Variants in KLC3 observed in about 807,000 individuals in gnomAD.
The protein encoded by KLC3 is kinesin light chain 3.
A neutral mutation model predicts 62.9 loss-of-function variants in KLC3; 72 were observed. That is an observed-to-expected ratio of 1.15 (90% CI 0.95 to 1.39). The LOEUF (loss-of-function observed/expected upper bound fraction) is 1.39, where lower values mean the gene tolerates loss of function less well. Ranked by LOEUF, KLC3 falls within the 40% of genes most tolerant of loss-of-function variation. The pLI is 0.00. For synonymous variants in KLC3, 377 were observed against 300.5 expected, an observed-to-expected ratio of 1.25 and a Z score of -2.63; for missense variants, 848 against 691.6, an observed-to-expected ratio of 1.23 and a Z score of -2.54.
chr19:45,349,684 G>T, intron 8 of KLC3, 82 bp downstream of exon 8: 1 of 1,223,684 alleles, frequency 8.2e-7, no homozygotes, highest in Non-Finnish European at 1.1e-6. Context: ...TACAGGGTGA[G>T]CAACGTGAGG....
At chr19:45,350,259 C>CAAA (rs61513187) in intron 8 of KLC3, 82 bp from the exon 9 acceptor site, 140 of 874,456 alleles carry the variant, frequency 1.6e-4, no homozygotes, top group East Asian at 1.2e-3. Flanking sequence ...CCTGTCTCTA[C>CAAA]AAAAAAAAAA....
At position 45,351,417 on chromosome 19, in the gene KLC3, TGGGGTGA is replaced by T. The variant is rs112394290; in HGVS notation, c.*62_*68del. 46 of 1,596,400 alleles carry T rather than the reference TGGGGTGA, an allele frequency of 2.9e-5. No individual in the cohort carries two copies. The highest frequency in any genetic ancestry group is 3.7e-5 in the Non-Finnish European group (43 of 1,174,702). On this transcript the variant is annotated 3_prime_UTR_variant, in exon 13 of 13. Coordinates refer to ENST00000391946, the MANE Select transcript of KLC3 (RefSeq NM_177417.3). ...GAACAGTGCAGGAGGGATGGGCTGG[TGGGGTGA>T]GAGGGGGTCTATCATCTCCTGGCCC...
chr19:45,349,406 G>A (rs774867602), intron 7 of KLC3, 23 bp from the exon 8 acceptor site: 110 of 1,586,740 alleles, frequency 6.9e-5, no homozygotes, highest in South Asian at 4.9e-4. Flanking sequence ...TGATCCCTCT[G>A]ACTTGTGACC....
chr19:45,342,576 G>T (rs1305042380), intron 1 of KLC3, among the ~76,000 whole-genome samples: 1 of 152,132 alleles, frequency 6.6e-6, no homozygotes, highest in African/African-American at 2.4e-5. Flanking sequence ...GACCAGCCCG[G>T]CCAACATGGT....
intron 5 of KLC3, 109 bp from the exon 6 acceptor site, chr19:45,348,537 G>A: frequency 9.4e-7 from 1 of 1,061,042 alleles, no homozygotes; most frequent in East Asian, 2.6e-5. Context: ...TGCCACCCAT[G>A]CTTGGTTCAG....
At chr19:45,341,583 G>GCGCGCGCA (rs1971396655) in intron 1 of KLC3, among the ~76,000 whole-genome samples, 19 of 150,018 alleles carry the variant, frequency 1.3e-4, no homozygotes, top group African/African-American at 4.7e-4. Flanking sequence ...GTGTGTGCGC[G>GCGCGCGCA]CGCGCGTGTG....
At chr19:45,350,305 G>C in intron 8 of KLC3, 36 bp from the exon 9 acceptor site, 1 of 1,549,810 alleles carries the variant, frequency 6.5e-7, no homozygotes, top group Non-Finnish European at 8.9e-7. Context: ...TGGGAACTGG[G>C]GTCCGAAAAG....
In KLC3 at chr19:45,345,551, C is replaced by T; in HGVS notation, c.10C>T (p.Gln4Ter). The T allele has an allele frequency of 6.4e-7, 1 of 1,565,106 alleles. No individual in the cohort carries two copies. The highest frequency in any genetic ancestry group is 8.7e-7 in the Non-Finnish European group (1 of 1,155,498). ...CTCCCCAGGAGCAGCAATGTCTGTG[C>T]AGGTAGCGGCTCCTGGAAGTGCAGG... The part of the protein sequence containing the change: MSV[Q>*]VAAPGSAGLG... The change falls in exon 2 of 13, where the codon CAG (glutamine) becomes TAG (stop). Residue 4 changes from glutamine to a stop codon, truncating the protein, a stop_gained. Coordinates refer to ENST00000391946, the MANE Select transcript of KLC3 (RefSeq NM_177417.3). LOFTEE classifies it high-confidence loss of function.
chr19:45,341,578 T>TGTGTGTGTGTGTGTGTGCGC, intron 1 of KLC3, among the ~76,000 whole-genome samples: 200 of 139,868 alleles, frequency 1.4e-3, no homozygotes, highest in African/African-American at 5.1e-3. Context: ...TGTGTGTGTG[T>TGTGTGTGTGTGTGTGTGCGC]GCGCGCGCGC....
At chr19:45,348,291 T>G in intron 5 of KLC3, 131 bp downstream of exon 5, 2 of 853,126 alleles carry the variant, frequency 2.3e-6, no homozygotes, top group Non-Finnish European at 3.6e-6. Flanking sequence ...ACAGCAAGAA[T>G]GGGAAAGGAA....
Position 45,346,545 on chromosome 19 carries a change from T to C in KLC3, c.260T>C (p.Val87Ala), listed in dbSNP as rs1971494704. The change falls in exon 3 of 13, where the codon GTG becomes GCG. Residue 87 changes from valine (V) to alanine (A), a missense_variant and splice_region_variant. By Grantham distance (64) the Val-to-Ala change is moderately conservative. Coordinates refer to ENST00000391946, the MANE Select transcript of KLC3 (RefSeq NM_177417.3). ...AIELGLGEAQ[V>A]LLALSAHVGA... ...ACTTGGGACCCCCACCCCGGGCAGGTGCTGCTGGCCCTGTCGGCACATGTG... is the reference window on the plus strand; with the variant it reads ...ACTTGGGACCCCCACCCCGGGCAGGCGCTGCTGGCCCTGTCGGCACATGTG... 2.0e-6 allele frequency: 3 copies of C among 1,527,978 alleles called. No individual in the cohort carries two copies. Among genetic ancestry groups the C allele is most frequent in the Non-Finnish European group, 2.6e-6 (3 of 1,133,840 alleles). The allele number at this position is 1,527,978 out of a possible 1,614,324, so 94.7% of individuals were successfully genotyped here.
chr19:45,342,725 C>G (rs1971417989), intron 1 of KLC3, among the ~76,000 whole-genome samples: 1 of 151,984 alleles, frequency 6.6e-6, no homozygotes, highest in Non-Finnish European at 1.5e-5. Flanking sequence ...CAACATCATG[C>G]CATTGCACTC....
chr19:45,351,213 A>ACCTGGAGCT, intron 12 of KLC3, 73 bp from the exon 13 acceptor site: 1 of 1,589,814 alleles, frequency 6.3e-7, no homozygotes, highest in Non-Finnish European at 8.6e-7. Flanking sequence ...GCCAGGCTGG[A>ACCTGGAGCT]CCTGGAGCTG....
chr19:45,347,711 G>A (rs903572912), intron 4 of KLC3, among the ~76,000 whole-genome samples, 195 bp downstream of exon 4: 9 of 152,140 alleles, frequency 5.9e-5, no homozygotes, highest in African/African-American at 1.2e-4. Context: ...GGCAGGCCCC[G>A]TATTCACATC....
At position 45,348,636 on chromosome 19, in the gene KLC3, C is replaced by T. The variant is rs761902194; in HGVS notation, c.780-10C>T. The T allele has an allele frequency of 3.2e-6, 5 of 1,565,006 alleles. No individual in the cohort carries two copies. The highest frequency in any genetic ancestry group is 1.4e-5 in the African/African-American group (1 of 73,484). On this transcript the variant is annotated splice_polypyrimidine_tract_variant and intron_variant, in intron 5 of 12. Coordinates refer to ENST00000391946, the MANE Select transcript of KLC3 (RefSeq NM_177417.3). Reference sequence around the variant, plus strand: ...GCTAACCCCCTCCATTCCTGGGGCGCCCCCCACAGGGACCAGAACAAGTAC... The same window carrying T: ...GCTAACCCCCTCCATTCCTGGGGCGTCCCCCACAGGGACCAGAACAAGTAC...
chr19:45,344,577 G>A (rs539303766), intron 1 of KLC3, among the ~76,000 whole-genome samples: 5 of 152,240 alleles, frequency 3.3e-5, no homozygotes, highest in South Asian at 4.1e-4. Flanking sequence ...ATTTCGGAGA[G>A]GAAAATGTGT....
rs1322317495 is a variant in KLC3, at chr19:45,341,798, T to TA, written c.-9+952_-9+953insA. 4.1e-3 allele frequency among the ~76,000 whole-genome samples: 579 copies of TA among 140,522 alleles called. 3 individuals carry two copies. Among genetic ancestry groups the TA allele is most frequent in the African/African-American group, 0.017 (530 of 31,250 alleles). 92.2% of individuals were successfully genotyped at this position (140,522 alleles called of 152,430 possible). Reference sequence around the variant, plus strand: ...GTGCGTGTGTGTGTGTGTGTGTGTGTGTGTAGAGAGGAACTAGAGGGTGTG... The same window carrying TA: ...GTGCGTGTGTGTGTGTGTGTGTGTGTAGTGTAGAGAGGAACTAGAGGGTGTG... On this transcript the variant is annotated intron_variant, in intron 1 of 12. Transcript: ENST00000391946.
chr19:45,346,912 A>G, intron 3 of KLC3, 138 bp downstream of exon 3: 1 of 748,812 alleles, frequency 1.3e-6, no homozygotes, highest in South Asian at 1.9e-5. Flanking sequence ...TTAGAATGCC[A>G]CAGTCCCCCA....
chr19:45,345,532 A>G lies in KLC3; in HGVS notation c.-8-2A>G, dbSNP rs1337354028. On this transcript the variant is annotated splice_acceptor_variant, in intron 1 of 12. Transcript: ENST00000391946. LOFTEE classifies it low-confidence loss of function (5UTR_SPLICE). ...CCCAAACCCCTCACCATTGCTCCCC[A>G]GGAGCAGCAATGTCTGTGCAGGTAG... 2 of 1,560,586 alleles carry G rather than the reference A, an allele frequency of 1.3e-6. No homozygotes were observed. The highest frequency in any genetic ancestry group is 1.7e-6 in the Non-Finnish European group (2 of 1,152,890).
Sources: allele counts gnomAD v4.1 joint callset (sites outside exome capture counted in the v4.1 genomes callset), GRCh38; gene constraint gnomAD v4.1.1; transcripts MANE v1.5; gene names NCBI Gene and HGNC (gene_info 2026-07-23, HGNC 2026-07-21).